ZNF521: variants seen among roughly 807,000 people sequenced by gnomAD.
ZNF521 encodes zinc finger protein 521, also known as LYST-interacting protein 3.
In ZNF521, 14 loss-of-function variants were observed where a neutral mutation model predicts 105.5. That is an observed-to-expected ratio of 0.13 (90% CI 0.09 to 0.21). ZNF521 has a LOEUF of 0.21. Ranked by LOEUF, ZNF521 falls within the 10% of genes least tolerant of loss-of-function variation. The pLI, the probability that ZNF521 is intolerant of heterozygous loss-of-function variation, is 1.00. For missense variants in ZNF521, 1,233 were observed against 1,629.7 expected, an observed-to-expected ratio of 0.76 and a Z score of 4.19; for synonymous variants, 635 against 606.0, an observed-to-expected ratio of 1.05 and a Z score of -0.70.
intron 5 of ZNF521, among the ~76,000 whole-genome samples, chr18:25,149,235 T>C (rs1048990062): frequency 2.0e-5 from 3 of 152,208 alleles, no homozygotes; most frequent in Non-Finnish European, 2.9e-5. Flanking sequence ...CAGGTGCTAC[T>C]GTGTAACTTC....
chr18:25,317,419 C>T (rs1052189585), intron 3 of ZNF521, among the ~76,000 whole-genome samples: 3 of 152,068 alleles, frequency 2.0e-5, no homozygotes, highest in African/African-American at 4.8e-5. Context: ...AGGGCACGCA[C>T]TCAGTAAAAA....
At chr18:25,084,592 A>G (rs958864711) in intron 7 of ZNF521, among the ~76,000 whole-genome samples, 4 of 140,050 alleles carry the variant, frequency 2.9e-5, no homozygotes, top group African/African-American at 9.9e-5. Flanking sequence ...GACTTAATGA[A>G]GGGAAGGGCT....
At chr18:25,070,347 C>G (rs1171860841) in intron 7 of ZNF521, among the ~76,000 whole-genome samples, 2 of 152,166 alleles carry the variant, frequency 1.3e-5, no homozygotes, top group Non-Finnish European at 2.9e-5. Flanking sequence ...AAAGGGTGAT[C>G]TGAGATAATC....
chr18:25,225,908 G>C lies in ZNF521; in HGVS notation c.2010C>G (p.Asn670Lys). ...AGGATTCTTGGTTGGGGAATTCCTT[G>C]TTGCACTGAGGACAGGTCAATTTTG... is the stretch of plus-strand genomic sequence containing the variant. ...VLPKLTCPQCNKEFPNQESLL... is the reference protein window; with the variant it reads ...VLPKLTCPQCKKEFPNQESLL... The change falls in exon 4 of 8, where the codon AAC becomes AAG. Residue 670 changes from asparagine to lysine, a missense_variant. Asn to Lys is a moderately conservative substitution (Grantham distance 94, BLOSUM62 0). Around this residue, in one of 6 missense-constraint regions of ZNF521, gnomAD observed 614 missense variants for 751.5 expected, o/e 0.82. Transcript: ENST00000361524. This position sits in a 1 kb window ranked among gnomAD's most constrained non-coding sequence, Gnocchi z 5.6. The C allele has an allele frequency of 6.2e-7, 1 of 1,614,164 alleles. No homozygotes were observed. Among genetic ancestry groups the C allele is most frequent in the Non-Finnish European group, 8.5e-7 (1 of 1,180,032 alleles).
At chr18:25,224,060 A>G (rs1905919702) in intron 4 of ZNF521, 2 of 344,676 alleles carry the variant, frequency 5.8e-6, no homozygotes, top group East Asian at 8.7e-5. Flanking sequence ...GAGATTCCAG[A>G]TCTCAGTAGT....
chr18:25,181,724 T>C (rs1448557535), intron 5 of ZNF521, among the ~76,000 whole-genome samples: 2 of 152,180 alleles, frequency 1.3e-5, no homozygotes, highest in African/African-American at 4.8e-5. Flanking sequence ...GTATGAGGAA[T>C]GATCCCAGGA....
intron 5 of ZNF521, among the ~76,000 whole-genome samples, chr18:25,110,830 G>A (rs2034174098): frequency 6.6e-6 from 1 of 151,646 alleles, no homozygotes; most frequent in Non-Finnish European, 1.5e-5. Context: ...TACAATCTTA[G>A]CTCACTACAA....
At chr18:25,117,048 T>C (rs74344836) in intron 5 of ZNF521, among the ~76,000 whole-genome samples, 4,105 of 52,420 alleles carry the variant, frequency 0.078, 128 homozygotes, top group African/African-American at 0.16. Context: ...CACACACACA[T>C]ATATATACAC....
At chr18:25,128,260 C>T (rs4486989) in intron 5 of ZNF521, among the ~76,000 whole-genome samples, 39,529 of 151,566 alleles carry the variant, frequency 0.26, 6,277 homozygotes, top group Non-Finnish European at 0.35. Context: ...TTGACAAAAT[C>T]CAACATCCAT....
rs530415341 is a variant in ZNF521 at position 25,328,022 on chromosome 18, G to C, written c.41-5835C>G. 5.9e-5 allele frequency among the ~76,000 whole-genome samples: 9 copies of C among 152,220 alleles called. No individual in the cohort carries two copies. The South Asian group carries it at 1.5e-3, about 25-fold the overall frequency. ...CCAGTCCAAAGAGCTCTGTGGTCAC[G>C]GATAAGAATGTGCTCCTTTTACCTC... On this transcript the variant is annotated intron_variant, in intron 2 of 7. Coordinates refer to ENST00000361524, the MANE Select transcript of ZNF521 (RefSeq NM_015461.3).
chr18:25,274,179 A>C (rs1295642175), intron 3 of ZNF521, among the ~76,000 whole-genome samples: 1 of 152,224 alleles, frequency 6.6e-6, no homozygotes, highest in Non-Finnish European at 1.5e-5. Flanking sequence ...TCCTGGAATG[A>C]GGAGATTCCT....
At chr18:25,121,317 C>T (rs951422976) in intron 5 of ZNF521, among the ~76,000 whole-genome samples, 17 of 148,588 alleles carry the variant, frequency 1.1e-4, no homozygotes, top group South Asian at 2.2e-4. Flanking sequence ...CTGTTGCCCG[C>T]GATCTCAGCT....
intron 3 of ZNF521, among the ~76,000 whole-genome samples, chr18:25,254,943 G>C (rs929818341): frequency 1.3e-5 from 2 of 152,092 alleles, no homozygotes; most frequent in Non-Finnish European, 2.9e-5. Context: ...AACTTATCAT[G>C]AGTTAAGCCA....
At chr18:25,347,452 A>G (rs1216402647) in intron 2 of ZNF521, among the ~76,000 whole-genome samples, 4 of 152,218 alleles carry the variant, frequency 2.6e-5, no homozygotes, top group Non-Finnish European at 4.4e-5. Flanking sequence ...GTTTCAAAAT[A>G]TATTTCCAGC....
At chr18:25,240,528 C>A (rs975290423) in intron 3 of ZNF521, among the ~76,000 whole-genome samples, 21 of 152,276 alleles carry the variant, frequency 1.4e-4, no homozygotes, top group African/African-American at 5.1e-4. Context: ...CAGAAGCATA[C>A]GCAGCACGCA....
At chr18:25,107,810 T>C (rs1429609515) in intron 5 of ZNF521, among the ~76,000 whole-genome samples, 1 of 152,216 alleles carries the variant, frequency 6.6e-6, no homozygotes, top group Non-Finnish European at 1.5e-5. Flanking sequence ...CCTTGTCCTA[T>C]TGTACAAAAT....
chr18:25,291,881 G>T lies in ZNF521; in HGVS notation c.220+30127C>A, dbSNP rs535924651. 1.3e-4 allele frequency among the ~76,000 whole-genome samples: 20 copies of T among 151,958 alleles called. No homozygotes were observed. The East Asian group carries it at 2.9e-3, about 22-fold the overall frequency. ...TACAACTGTACTTGAAAAGTTGTCA[G>T]GATTTAAGACATCCTCATTCCAGTC... On this transcript the variant is annotated intron_variant, in intron 3 of 7. Transcript: ENST00000361524.
intron 5 of ZNF521, among the ~76,000 whole-genome samples, chr18:25,165,044 T>G (rs2035314011): frequency 6.6e-6 from 1 of 152,218 alleles, no homozygotes; most frequent in African/African-American, 2.4e-5. Flanking sequence ...CACACCAGTT[T>G]CACTTTCAAA....
intron 2 of ZNF521, chr18:25,345,160 G>A (rs571999378): frequency 6.6e-6 from 1 of 152,304 alleles, no homozygotes; most frequent in African/African-American, 2.4e-5. Flanking sequence ...AGGTACAAAT[G>A]TTCCTCTAAG....
Sources: allele counts gnomAD v4.1 joint callset (sites outside exome capture counted in the v4.1 genomes callset), GRCh38; gene constraint gnomAD v4.1.1; regional missense constraint gnomAD v4.1.1; non-coding constraint Gnocchi (gnomAD v3.1); transcripts MANE v1.5; gene names NCBI Gene and HGNC (gene_info 2026-07-23, HGNC 2026-07-21).